Variants in VTCN1 observed in about 807,000 individuals in gnomAD.
VTCN1 encodes the protein V-set domain containing T cell activation inhibitor 1, also known as V-set domain-containing T-cell activation inhibitor 1.
A neutral mutation model predicts 26.5 loss-of-function variants in VTCN1; 26 were observed. The ratio of observed to expected loss-of-function variants is 0.98; its 90% CI spans 0.72 to 1.36. VTCN1 has a LOEUF of 1.36. VTCN1 is among the 40% of genes most tolerant of loss of function. The probability of loss-of-function intolerance (pLI) is 0.00; values close to 1 mark genes in which losing one functional copy is unlikely to be tolerated. For synonymous variants in VTCN1, 116 were observed against 130.7 expected (o/e 0.89, Z 0.77); for missense variants, 298 against 337.7 (o/e 0.88, Z 0.92).
chr1:117,166,894 C>T (rs1036378427), intron 2 of VTCN1, among the ~76,000 whole-genome samples: 2 of 151,020 alleles, frequency 1.3e-5, no homozygotes, highest in African/African-American at 2.4e-5. Context: ...GAGTTCGAGA[C>T]CAGTCTGGCT....
At chr1:117,190,662 A>G (rs1259958488) in intron 1 of VTCN1, among the ~76,000 whole-genome samples, 3 of 152,156 alleles carry the variant, frequency 2.0e-5, no homozygotes, top group Non-Finnish European at 2.9e-5. Flanking sequence ...TGGGCCCACC[A>G]ACAGTGGACC....
intron 1 of VTCN1, among the ~76,000 whole-genome samples, chr1:117,197,795 T>G (rs983542635): frequency 2.4e-4 from 37 of 152,210 alleles, no homozygotes; most frequent in African/African-American, 8.9e-4. Context: ...CAGTAACATA[T>G]TTATACCCTC....
chr1:117,182,493 C>T (rs536920582), intron 1 of VTCN1, among the ~76,000 whole-genome samples: 2 of 152,270 alleles, frequency 1.3e-5, no homozygotes, highest in Admixed American at 6.5e-5. Flanking sequence ...AGCAATTTCC[C>T]GGCTGCAGCC....
rs7519725 is a variant in VTCN1 at position 117,161,878 on chromosome 1, G to A, written c.98-4957C>T. On this transcript the variant is annotated intron_variant, in intron 2 of 5. Transcript: ENST00000369458. The surrounding 1 kb of genome is among the most constrained non-coding windows in gnomAD (Gnocchi z 4.3). Reference sequence around the variant, plus strand: ...AAGTGCCATTAAAGTTGAATTGAAAGATTACTTCTCAGAAAAAATACATGA... The same window carrying A: ...AAGTGCCATTAAAGTTGAATTGAAAAATTACTTCTCAGAAAAAATACATGA... Among the ~76,000 whole-genome samples, 20,151 of 152,210 alleles carry A rather than the reference G, an allele frequency of 0.13. 2,151 individuals carry two copies. Among genetic ancestry groups the A allele is most frequent in the African/African-American group, 0.3 (12,385 of 41,492 alleles).
chr1:117,159,504 A>G lies in VTCN1; in HGVS notation c.98-2583T>C, dbSNP rs958100569. ...GTCCCTCCCACAACACATGGGAATT[A>G]TGGGAGTATAATTTAAGATGAGATT... On this transcript the variant is annotated intron_variant, in intron 2 of 5. Coordinates refer to ENST00000369458, the MANE Select transcript of VTCN1 (RefSeq NM_024626.4). The surrounding 1 kb of genome is among the most constrained non-coding windows in gnomAD (Gnocchi z 4.7). 3.3e-5 allele frequency among the ~76,000 whole-genome samples: 5 copies of G among 152,238 alleles called. No individual in the cohort carries two copies. Among genetic ancestry groups the G allele is most frequent in the Admixed American group, 2.6e-4 (4 of 15,288 alleles).
At position 117,169,217 on chromosome 1, in the gene VTCN1, T is replaced by C. The variant is rs1201614814; in HGVS notation, c.97+890A>G. Among the ~76,000 whole-genome samples, 1 of 152,182 alleles carries C rather than the reference T, an allele frequency of 6.6e-6. No homozygotes were observed. The highest frequency in any genetic ancestry group is 2.4e-5 in the African/African-American group (1 of 41,460). ...AAATTAAAGCAGCATCCATAAAAGA[T>C]GCTTCAGAGCAGTGGCCTATGCAGA... is the stretch of plus-strand genomic sequence containing the variant. On this transcript the variant is annotated intron_variant, in intron 2 of 5. Transcript: ENST00000369458. The surrounding 1 kb of genome is among the most constrained non-coding windows in gnomAD (Gnocchi z 4.0).
At chr1:117,180,576 A>G (rs1377247397) in intron 1 of VTCN1, among the ~76,000 whole-genome samples, 1 of 152,248 alleles carries the variant, frequency 6.6e-6, no homozygotes, top group Non-Finnish European at 1.5e-5. Flanking sequence ...AGAAAAGCTG[A>G]GTATCCCATA....
At chr1:117,196,470 G>A (rs368087863) in intron 1 of VTCN1, among the ~76,000 whole-genome samples, 12 of 151,384 alleles carry the variant, frequency 7.9e-5, no homozygotes, top group African/African-American at 2.2e-4. Flanking sequence ...GTTATCTCTA[G>A]GTTAGGACCG....
At position 117,156,775 on chromosome 1, in the gene VTCN1, C is replaced by T. The variant is rs1437981317; in HGVS notation, c.244G>A (p.Glu82Lys). 2 of 1,614,036 alleles carry T rather than the reference C, an allele frequency of 1.2e-6. No homozygotes were observed. The highest frequency in any genetic ancestry group is 2.7e-5 in the African/African-American group (2 of 74,910). The change falls in exon 3 of 6, where the codon GAG (glutamate) becomes AAG (lysine). Residue 82 changes from glutamate (E) to lysine (K), a missense_variant. Glu to Lys is a moderately conservative substitution (Grantham distance 56, BLOSUM62 1). Transcript: ENST00000369458. ...LKEGVLGLVH[E>K]FKEGKDELSE... ...AGCTCATCTTTGCCTTCTTTGAACTCATGGACCAAGCCTAAAACACCTTCC... is the reference window on the plus strand; with the variant it reads ...AGCTCATCTTTGCCTTCTTTGAACTTATGGACCAAGCCTAAAACACCTTCC...
chr1:117,164,515 TA>T (rs111610889), intron 2 of VTCN1, among the ~76,000 whole-genome samples: 7,346 of 152,236 alleles, frequency 0.048, 598 homozygotes, highest in African/African-American at 0.17. Context: ...AATGCGTTAA[TA>T]ATAGCAGATT....
chr1:117,158,837 C>T (rs1409404137), intron 2 of VTCN1, among the ~76,000 whole-genome samples: 1 of 152,184 alleles, frequency 6.6e-6, no homozygotes, highest in Non-Finnish European at 1.5e-5. Context: ...TTAGAAATTT[C>T]TTCCACCAGA....
chr1:117,204,619 C>T (rs1487536169), intron 1 of VTCN1, among the ~76,000 whole-genome samples: 1 of 152,094 alleles, frequency 6.6e-6, no homozygotes, highest in Non-Finnish European at 1.5e-5. Context: ...GTAATCCCAG[C>T]ACTTTGGGAG....
intron 1 of VTCN1, among the ~76,000 whole-genome samples, chr1:117,209,361 A>G (rs530002820): frequency 1.3e-5 from 2 of 152,260 alleles, no homozygotes; most frequent in Admixed American, 6.5e-5. Context: ...TGTCCTTGGG[A>G]TCAAGGCTGG....
intron 1 of VTCN1, among the ~76,000 whole-genome samples, chr1:117,190,691 C>A (rs773213369): frequency 2.2e-4 from 33 of 152,198 alleles, no homozygotes; most frequent in Non-Finnish European, 3.8e-4. Context: ...GACTCAGGAG[C>A]AGTTATGTAA....
chr1:117,153,453 A>C, intron 3 of VTCN1, 84 bp from the exon 4 acceptor site: 2 of 1,429,110 alleles, frequency 1.4e-6, no homozygotes, highest in Non-Finnish European at 1.9e-6. Flanking sequence ...GGCCTTAAAA[A>C]TGCAGTCATT....
intron 1 of VTCN1, among the ~76,000 whole-genome samples, chr1:117,197,747 T>TG (rs1648587768): frequency 6.6e-6 from 1 of 152,112 alleles, no homozygotes; most frequent in Admixed American, 6.6e-5. Flanking sequence ...TTTCTTCAAT[T>TG]CTTTGTTCAA....
At chr1:117,170,391 A>C (rs1652845912) in intron 1 of VTCN1, 10 of 636,238 alleles carry the variant, frequency 1.6e-5, no homozygotes, top group Non-Finnish European at 2.7e-5. Flanking sequence ...GAAAAGAGTG[A>C]CCCTTGCCTC....
chr1:117,154,783 C>CAAAAAA (rs916361996), intron 3 of VTCN1, among the ~76,000 whole-genome samples: 2 of 39,788 alleles, frequency 5.0e-5, no homozygotes, highest in South Asian at 1.1e-3. Flanking sequence ...AACTCCATCT[C>CAAAAAA]AAAAAAAAAA....
rs1652788624 is a variant in VTCN1, at chr1:117,169,578, A to G, written c.97+529T>C. ...TTATCTCAACTAACTGGTGATGTTG[A>G]CAGTATCTCCCCACTCAAAAATGAG... On this transcript the variant is annotated intron_variant, in intron 2 of 5. Coordinates refer to ENST00000369458, the MANE Select transcript of VTCN1 (RefSeq NM_024626.4). The surrounding 1 kb of genome is among the most constrained non-coding windows in gnomAD (Gnocchi z 4.0). Among the ~76,000 whole-genome samples the G allele has an allele frequency of 6.6e-6, 1 of 152,186 alleles. No homozygotes were observed. The highest frequency in any genetic ancestry group is 1.5e-5 in the Non-Finnish European group (1 of 68,046).
Sources: gnomAD v4.1 joint callset for allele counts (sites outside exome capture counted in the v4.1 genomes callset) on GRCh38, gnomAD v4.1.1 for gene constraint, Gnocchi (gnomAD v3.1) non-coding constraint, MANE v1.5 for transcripts, NCBI Gene and HGNC (gene_info 2026-07-23, HGNC 2026-07-21) for gene names.